BLK: variants seen among roughly 807,000 people sequenced by gnomAD.
The protein encoded by BLK is BLK proto-oncogene, Src family tyrosine kinase, also known as tyrosine-protein kinase Blk.
In BLK, 64 loss-of-function variants were observed where a neutral mutation model predicts 61.8. The observed-to-expected ratio is 1.03, with a 90% CI of 0.85 to 1.27. The LOEUF (loss-of-function observed/expected upper bound fraction) is 1.27, where lower values mean the gene tolerates loss of function less well. BLK is among the 50% of genes most tolerant of loss of function. The pLI is 0.00. For missense variants in BLK, 853 were observed against 660.5 expected (o/e 1.29, Z -3.19); for synonymous variants, 351 against 272.0 (o/e 1.29, Z -2.86).
At chr8:11,547,958 A>C in intron 3 of BLK, 74 bp from the exon 4 acceptor site, 5 of 1,242,734 alleles carry the variant, frequency 4.0e-6, no homozygotes, top group Non-Finnish European at 5.9e-6. Flanking sequence ...CCTCCTTGGT[A>C]GCCAGGCTCA....
At chr8:11,555,276 G>T (rs1380224512) in intron 7 of BLK, 56 bp from the exon 8 acceptor site, 2 of 1,610,864 alleles carry the variant, frequency 1.2e-6, no homozygotes, top group Non-Finnish European at 1.7e-6. Flanking sequence ...CAGCTCCCAA[G>T]GTAGAGCCTG....
At chr8:11,553,440 C>G (rs547283112) in intron 6 of BLK, 4 of 430,352 alleles carry the variant, frequency 9.3e-6, no homozygotes, top group South Asian at 3.4e-5. Context: ...ACAAAGGACA[C>G]CAAATTGTCA....
At chr8:11,536,598 G>C (rs1800142735) in intron 1 of BLK, among the ~76,000 whole-genome samples, 1 of 152,036 alleles carries the variant, frequency 6.6e-6, no homozygotes, top group African/African-American at 2.4e-5. Flanking sequence ...GGTAGAGACG[G>C]GGTTTCACCA....
intron 4 of BLK, 90 bp downstream of exon 4, chr8:11,548,215 A>AG: frequency 8.7e-7 from 1 of 1,148,494 alleles, no homozygotes; most frequent in Non-Finnish European, 1.3e-6. Flanking sequence ...TCCATGGCTG[A>AG]CCCTGGAAGT....
chr8:11,558,280 C>T (rs1347039740), intron 10 of BLK, among the ~76,000 whole-genome samples: 3 of 152,166 alleles, frequency 2.0e-5, no homozygotes, highest in South Asian at 2.1e-4. Context: ...GCCTTAGACC[C>T]GGGCTGCTGT....
At chr8:11,561,626 G>A (rs1196057981) in intron 11 of BLK, among the ~76,000 whole-genome samples, 174 bp downstream of exon 11, 1 of 152,142 alleles carries the variant, frequency 6.6e-6, no homozygotes, top group African/African-American at 2.4e-5. Context: ...TCAGCAGAAT[G>A]GTAGTGCCCT....
chr8:11,544,239 A>T (rs1402824365), intron 2 of BLK, among the ~76,000 whole-genome samples: 3 of 152,302 alleles, frequency 2.0e-5, no homozygotes, highest in Non-Finnish European at 4.4e-5. Context: ...TGGTGGGATT[A>T]CAGGTTTGAG....
chr8:11,504,262 G>A (rs960217553), intron 1 of BLK, among the ~76,000 whole-genome samples: 2 of 151,910 alleles, frequency 1.3e-5, no homozygotes, highest in Admixed American at 6.6e-5. Context: ...GGCAAAGGTT[G>A]CAGTGAGCTG....
intron 1 of BLK, among the ~76,000 whole-genome samples, chr8:11,527,897 G>A (rs1043960062): frequency 6.6e-6 from 1 of 152,104 alleles, no homozygotes; most frequent in African/African-American, 2.4e-5. Context: ...TGAGCAGTAA[G>A]GGATTACAGA....
chr8:11,545,506 G>T (rs547509434), intron 2 of BLK, among the ~76,000 whole-genome samples: 3 of 152,206 alleles, frequency 2.0e-5, no homozygotes, highest in East Asian at 3.9e-4. Context: ...CCGAGATTAC[G>T]CCACTGCACT....
At chr8:11,500,361 T>G (rs1798511468) in intron 1 of BLK, among the ~76,000 whole-genome samples, 1 of 150,820 alleles carries the variant, frequency 6.6e-6, no homozygotes, top group Non-Finnish European at 1.5e-5. Context: ...GCCCTGCTAA[T>G]TTTTGTATTT....
intron 1 of BLK, among the ~76,000 whole-genome samples, chr8:11,539,912 G>A (rs995651139): frequency 6.6e-6 from 1 of 152,096 alleles, no homozygotes; most frequent in Non-Finnish European, 1.5e-5. Context: ...TATACTTCCT[G>A]TCAAAAGTTT....
chr8:11,559,419 TCA>T (rs529916563), intron 10 of BLK, among the ~76,000 whole-genome samples: 83 of 124,168 alleles, frequency 6.7e-4, no homozygotes, highest in Non-Finnish European at 5.1e-4. Context: ...ACACACAGAC[TCA>T]CACACACAAA....
chr8:11,563,966 C>G lies in BLK; in HGVS notation c.1376C>G (p.Thr459Ser), dbSNP rs577930155. 1 of 1,606,722 alleles carries G rather than the reference C, an allele frequency of 6.2e-7. No individual in the cohort carries two copies. The highest frequency in any genetic ancestry group is 2.2e-5 in the East Asian group (1 of 44,858). ...GGCTACCGCATGCCGCGCCCCGACA[C>G]CTGCCCGCCCGAGCTGTACCGCGGC... ...ERGYRMPRPDTCPPELYRGVI... is the reference protein window; with the variant it reads ...ERGYRMPRPDSCPPELYRGVI... The change falls in exon 13 of 13, where the codon ACC becomes AGC. Residue 459 changes from threonine (T) to serine (S), a missense_variant. Coordinates refer to ENST00000259089, the MANE Select transcript of BLK (RefSeq NM_001715.3).
intron 1 of BLK, among the ~76,000 whole-genome samples, chr8:11,526,376 C>T (rs1157868055): frequency 3.3e-5 from 5 of 152,218 alleles, no homozygotes; most frequent in African/African-American, 1.2e-4. Context: ...TTCAAATTCA[C>T]ATCCTACTTT....
intron 1 of BLK, among the ~76,000 whole-genome samples, chr8:11,512,556 G>T (rs190852816): frequency 1.3e-4 from 20 of 152,276 alleles, no homozygotes; most frequent in African/African-American, 3.1e-4. Flanking sequence ...ATCCTTTAAG[G>T]CAGGCAGAAA....
chr8:11,507,696 G>T (rs1346224862), intron 1 of BLK, among the ~76,000 whole-genome samples: 1 of 152,182 alleles, frequency 6.6e-6, no homozygotes, highest in Non-Finnish European at 1.5e-5. Flanking sequence ...AGCTCAGTGG[G>T]TGCCAAAGAT....
chr8:11,557,411 CG>C (rs1801287196), intron 9 of BLK, among the ~76,000 whole-genome samples: 1 of 152,174 alleles, frequency 6.6e-6, no homozygotes. Flanking sequence ...AAGGGGCCCC[CG>C]GTCGGAGGCT....
intron 1 of BLK, among the ~76,000 whole-genome samples, chr8:11,539,481 A>T (rs1048670846): frequency 1.3e-5 from 2 of 152,096 alleles, no homozygotes; most frequent in Non-Finnish European, 2.9e-5. Context: ...TCCAACTATT[A>T]CTACAACAAA....
Sources: allele counts gnomAD v4.1 joint callset (sites outside exome capture counted in the v4.1 genomes callset), GRCh38; gene constraint gnomAD v4.1.1; transcripts MANE v1.5; gene names NCBI Gene and HGNC (gene_info 2026-07-23, HGNC 2026-07-21).